The following QRFPR variants were observed in gnomAD, a reference collection of about 807,000 sequenced individuals.
QRFPR encodes pyroglutamylated RFamide peptide receptor.
Under a neutral mutation model 31.3 loss-of-function variants are expected in QRFPR, and 37 were observed. The observed-to-expected ratio is 1.18, with a 90% CI of 0.91 to 1.56. The LOEUF is 1.56. QRFPR is among the 40% of genes most tolerant of loss of function. The probability of loss-of-function intolerance (pLI) is 0.00; values close to 1 mark genes in which losing one functional copy is unlikely to be tolerated. For synonymous variants in QRFPR, 197 were observed against 192.0 expected, an observed-to-expected ratio of 1.03 and a Z score of -0.22; for missense variants, 542 against 532.5, an observed-to-expected ratio of 1.02 and a Z score of -0.18.
chr4:121,348,833 C>T (rs1174703358), intron 1 of QRFPR, among the ~76,000 whole-genome samples: 3 of 152,130 alleles, frequency 2.0e-5, no homozygotes, highest in Non-Finnish European at 4.4e-5. Flanking sequence ...TGCGATGGCT[C>T]ATGCCTATAA....
intron 1 of QRFPR, 29 bp downstream of exon 1, chr4:121,380,279 G>C: frequency 6.9e-7 from 1 of 1,449,930 alleles, no homozygotes; most frequent in Non-Finnish European, 9.4e-7. Context: ...TAAGAGAGAA[G>C]GAGCGAAGGA....
chr4:121,370,067 G>T (rs1386272614), intron 1 of QRFPR: 1 of 772,200 alleles, frequency 1.3e-6, no homozygotes, highest in Admixed American at 1.7e-5. Context: ...ACCACTGGGA[G>T]CTTGTCCACA....
chr4:121,340,319 C>G (rs769261157), intron 2 of QRFPR, 133 bp downstream of exon 2: 1 of 976,714 alleles, frequency 1.0e-6, no homozygotes, highest in Non-Finnish European at 1.6e-6. Context: ...AGGGAAAGCA[C>G]TGAAACTCTC....
chr4:121,369,629 G>T, intron 1 of QRFPR: 2 of 1,607,652 alleles, frequency 1.2e-6, no homozygotes, highest in Middle Eastern at 2.2e-4. Context: ...GGCCTGGGTG[G>T]CAAAACTTCC....
intron 1 of QRFPR, among the ~76,000 whole-genome samples, chr4:121,376,664 C>G (rs1726358602): frequency 6.6e-6 from 1 of 151,942 alleles, no homozygotes; most frequent in African/African-American, 2.4e-5. Context: ...TGAAAGGGGA[C>G]CTGAGTAGAG....
At chr4:121,378,850 A>G (rs529662190) in intron 1 of QRFPR, among the ~76,000 whole-genome samples, 77 of 152,282 alleles carry the variant, frequency 5.1e-4, no homozygotes, top group Middle Eastern at 3.4e-3. Flanking sequence ...CCACCATAAA[A>G]TCCCACTTTG....
intron 1 of QRFPR, among the ~76,000 whole-genome samples, chr4:121,364,365 G>A (rs2110480496): frequency 6.6e-6 from 1 of 150,430 alleles, no homozygotes; most frequent in Middle Eastern, 3.4e-3. Context: ...GGCTGGGCAT[G>A]GTGGCTCACG....
intron 1 of QRFPR, among the ~76,000 whole-genome samples, chr4:121,343,687 G>T (rs1407455990): frequency 6.6e-6 from 1 of 151,928 alleles, no homozygotes; most frequent in Non-Finnish European, 1.5e-5. Context: ...AATTTAATCA[G>T]AACTTTTTCT....
chr4:121,374,514 T>A (rs1241346901), intron 1 of QRFPR, among the ~76,000 whole-genome samples: 1 of 152,228 alleles, frequency 6.6e-6, no homozygotes, highest in Non-Finnish European at 1.5e-5. Context: ...CTCCTGGTGC[T>A]GTCAGCATTT....
intron 1 of QRFPR, among the ~76,000 whole-genome samples, chr4:121,355,001 C>G (rs547435135): frequency 7.2e-5 from 11 of 152,048 alleles, no homozygotes; most frequent in African/African-American, 2.6e-4. Flanking sequence ...TGCATCTATG[C>G]TAATCAAGGA....
chr4:121,363,413 C>T lies in QRFPR; in HGVS notation c.340+16895G>A, dbSNP rs1029886271. On this transcript the variant is annotated intron_variant, in intron 1 of 5. Coordinates refer to ENST00000394427, the MANE Select transcript of QRFPR (RefSeq NM_198179.3). ...ATGCTGGCCTAAAGCACTGCCCTTC[C>T]TTACCAACCCTGCTGAAGCAGAGGT... Among the ~76,000 whole-genome samples, 3 of 150,006 alleles carry T rather than the reference C, an allele frequency of 2.0e-5. 1 individual carries two copies. Among genetic ancestry groups the T allele is most frequent in the African/African-American group, 7.4e-5 (3 of 40,508 alleles).
chr4:121,332,581 T>C (rs1043871724), intron 4 of QRFPR, among the ~76,000 whole-genome samples: 1 of 152,184 alleles, frequency 6.6e-6, no homozygotes, highest in African/African-American at 2.4e-5. Context: ...TGTTCTAAAT[T>C]CCAAGTCAGT....
At chr4:121,357,756 A>C (rs1277156684) in intron 1 of QRFPR, among the ~76,000 whole-genome samples, 3 of 152,234 alleles carry the variant, frequency 2.0e-5, no homozygotes, top group African/African-American at 7.2e-5. Flanking sequence ...TAGGCAGCAA[A>C]GCTTAAGAAC....
intron 4 of QRFPR, 107 bp downstream of exon 4, chr4:121,332,714 G>T: frequency 1.3e-6 from 1 of 787,410 alleles, no homozygotes; most frequent in Non-Finnish European, 2.0e-6. Flanking sequence ...AATTGCAAAG[G>T]ATGCTTAGAC....
intron 1 of QRFPR, among the ~76,000 whole-genome samples, chr4:121,343,773 T>C (rs766824226): frequency 6.6e-6 from 1 of 152,186 alleles, no homozygotes; most frequent in Non-Finnish European, 1.5e-5. Flanking sequence ...AATACAACTA[T>C]CCAAACAAAA....
chr4:121,337,128 C>T (rs142704842), intron 2 of QRFPR, among the ~76,000 whole-genome samples: 32 of 152,330 alleles, frequency 2.1e-4, no homozygotes, highest in Admixed American at 3.3e-4. Context: ...CTTAGCATGG[C>T]CCATGAGGTT....
At chr4:121,337,174 T>A (rs1431456271) in intron 2 of QRFPR, among the ~76,000 whole-genome samples, 1 of 152,198 alleles carries the variant, frequency 6.6e-6, no homozygotes, top group Non-Finnish European at 1.5e-5. Context: ...TCCTCTTTCA[T>A]TTCTGTCCAT....
At chr4:121,342,885 G>A (rs531551997) in intron 1 of QRFPR, among the ~76,000 whole-genome samples, 1 of 152,280 alleles carries the variant, frequency 6.6e-6, no homozygotes, top group African/African-American at 2.4e-5. Flanking sequence ...CTCATTCCTA[G>A]CTTTGTTCTC....
intron 1 of QRFPR, among the ~76,000 whole-genome samples, chr4:121,347,607 A>G (rs1359963764): frequency 6.6e-6 from 1 of 152,168 alleles, no homozygotes; most frequent in Non-Finnish European, 1.5e-5. Context: ...CCTCTCCATT[A>G]GTCTATTAAC....
Sources: gnomAD v4.1 joint callset for allele counts (sites outside exome capture counted in the v4.1 genomes callset) on GRCh38, gnomAD v4.1.1 for gene constraint, MANE v1.5 for transcripts, NCBI Gene and HGNC (gene_info 2026-07-23, HGNC 2026-07-21) for gene names.